Variants in MYO1B observed in about 807,000 individuals in gnomAD.
MYO1B encodes the protein myosin IB.
In MYO1B, 72 loss-of-function variants were observed where a neutral mutation model predicts 159.7. That is an observed-to-expected ratio of 0.45 (90% CI 0.37 to 0.55). The LOEUF (loss-of-function observed/expected upper bound fraction) is 0.55. MYO1B is among the 20% of genes least tolerant of loss of function. The pLI, the probability that MYO1B is intolerant of heterozygous loss-of-function variation, is 0.00. For missense variants in MYO1B, 1,062 were observed against 1,364.8 expected (o/e 0.78, Z 3.50); for synonymous variants, 468 against 473.8 (o/e 0.99, Z 0.16).
At chr2:191,372,133 T>C (rs1463824913) in intron 13 of MYO1B, among the ~76,000 whole-genome samples, 2 of 151,728 alleles carry the variant, frequency 1.3e-5, no homozygotes, top group African/African-American at 2.4e-5. Context: ...ATTTAAATGG[T>C]TTCATGAGCA....
At chr2:191,417,167 A>G (rs560784079) in intron 30 of MYO1B, among the ~76,000 whole-genome samples, 54 of 152,292 alleles carry the variant, frequency 3.5e-4, no homozygotes, top group Middle Eastern at 6.8e-3. Context: ...AAATAAATTT[A>G]CACCCATTTC....
At chr2:191,272,639 A>T (rs959751195) in intron 1 of MYO1B, among the ~76,000 whole-genome samples, 12 of 152,230 alleles carry the variant, frequency 7.9e-5, no homozygotes, top group African/African-American at 2.7e-4. Context: ...CTGGCCTTTC[A>T]GACAGTCCAG....
chr2:191,408,346 A>G (rs536878171), intron 25 of MYO1B, among the ~76,000 whole-genome samples, 157 bp downstream of exon 25: 1 of 152,394 alleles, frequency 6.6e-6, no homozygotes, highest in East Asian at 1.9e-4. Context: ...GTTATCTTTT[A>G]AAATCATCTT....
chr2:191,332,381 C>G lies in MYO1B; in HGVS notation c.346+2352C>G, dbSNP rs371648643. On this transcript the variant is annotated intron_variant, in intron 4 of 30. Coordinates refer to ENST00000392318, the MANE Select transcript of MYO1B (RefSeq NM_001130158.3). The stretch of plus-strand genomic sequence containing the variant: ...TTTTTTTTTTTTTCACAGTAACTTC[C>G]ATTAGGTCAGATCTGCTCAATCAAC... 5.3e-5 allele frequency among the ~76,000 whole-genome samples: 8 copies of G among 151,832 alleles called. No homozygotes were observed. In the East Asian group the frequency reaches 1.5e-3, roughly 29 times the overall value.
intron 21 of MYO1B, among the ~76,000 whole-genome samples, chr2:191,398,669 C>T (rs1247508769): frequency 6.7e-6 from 1 of 149,232 alleles, no homozygotes; most frequent in East Asian, 2.0e-4. Context: ...AGATGATGGG[C>T]GGGTCAGGCA....
At chr2:191,255,890 C>T (rs1216090821) in intron 1 of MYO1B, among the ~76,000 whole-genome samples, 1 of 152,150 alleles carries the variant, frequency 6.6e-6, no homozygotes. Flanking sequence ...CACTAATAGA[C>T]GGGGTCCTTT....
intron 3 of MYO1B, among the ~76,000 whole-genome samples, chr2:191,328,957 C>CT (rs1432170331): frequency 6.6e-6 from 1 of 152,114 alleles, no homozygotes; most frequent in Non-Finnish European, 1.5e-5. Context: ...TCCATTTTCT[C>CT]TTTCTCTTTC....
At chr2:191,301,645 A>G (rs1310693409) in intron 3 of MYO1B, among the ~76,000 whole-genome samples, 1 of 152,240 alleles carries the variant, frequency 6.6e-6, no homozygotes, top group African/African-American at 2.4e-5. Context: ...ATAATTTTGT[A>G]TCTGCAAATA....
At chr2:191,419,540 T>C (rs754637287) in intron 30 of MYO1B, among the ~76,000 whole-genome samples, 2 of 152,206 alleles carry the variant, frequency 1.3e-5, no homozygotes, top group Non-Finnish European at 1.5e-5. Flanking sequence ...TTTATCTTTA[T>C]TTTAGCGTGT....
At chr2:191,379,808 G>A (rs1694935313) in intron 13 of MYO1B, among the ~76,000 whole-genome samples, 1 of 152,144 alleles carries the variant, frequency 6.6e-6, no homozygotes, top group South Asian at 2.1e-4. Flanking sequence ...GAGACTTTCT[G>A]ATATATGGAA....
Position 191,296,024 on chromosome 2 carries a change from G to A in MYO1B, c.136-87G>A, listed in dbSNP as rs181532367. The A allele has an allele frequency of 1.1e-4, 71 of 637,610 alleles. No individual in the cohort carries two copies. The Middle Eastern group carries it at 2.9e-3, about 26-fold the overall frequency. 39.5% of individuals were successfully genotyped at this position (637,610 alleles called of 1,614,324 possible). On this transcript the variant is annotated intron_variant, in intron 2 of 30. Transcript: ENST00000392318. Reference sequence around the variant, plus strand: ...GCAGAACTAGTGTTGATTTTAAAAGGTTGAAACCATACAACACTAAAGCTT... The same window carrying A: ...GCAGAACTAGTGTTGATTTTAAAAGATTGAAACCATACAACACTAAAGCTT...
At chr2:191,348,930 C>T (rs1015188724) in intron 6 of MYO1B, among the ~76,000 whole-genome samples, 7 of 152,226 alleles carry the variant, frequency 4.6e-5, no homozygotes, top group Admixed American at 2.0e-4. Context: ...CTCATCCTCA[C>T]GGTTGCCAAT....
chr2:191,370,609 C>A (rs910397946), intron 13 of MYO1B, among the ~76,000 whole-genome samples: 1 of 152,042 alleles, frequency 6.6e-6, no homozygotes, highest in African/African-American at 2.4e-5. Flanking sequence ...TTTGAAATTG[C>A]GTATTTAAAT....
At chr2:191,360,172 T>C (rs1341745441) in intron 7 of MYO1B, among the ~76,000 whole-genome samples, 2 of 152,146 alleles carry the variant, frequency 1.3e-5, no homozygotes, top group Non-Finnish European at 2.9e-5. Context: ...AATGATACCT[T>C]ATAAAAGGGT....
chr2:191,304,486 C>CT (rs1290161683), intron 3 of MYO1B, among the ~76,000 whole-genome samples: 1 of 152,156 alleles, frequency 6.6e-6, no homozygotes. Flanking sequence ...AGGAGAATTG[C>CT]TTGAACCCAG....
At position 191,416,115 on chromosome 2, in the gene MYO1B, G is replaced by A. The variant is rs375458742; in HGVS notation, c.3160G>A (p.Gly1054Ser). ...ACCGACTCTTGGTTTGTCCTTGCAG[G>A]GCTCAGAAGCAGCTAGTAAAGGAGA... ...DGFFAVHLKEGSEAASKGDFL... is the reference protein window; with the variant it reads ...DGFFAVHLKESSEAASKGDFL... Residue 1054 changes from glycine to serine, a missense_variant and splice_region_variant, in exon 30 of 31, where the codon GGC becomes AGC. By Grantham distance (56) the Gly-to-Ser change is moderately conservative (BLOSUM62 0). Around this residue, in one of 5 missense-constraint regions of MYO1B, gnomAD observed 609 missense variants for 744.4 expected, o/e 0.82. Transcript: ENST00000392318. 3.7e-6 allele frequency: 6 copies of A among 1,613,280 alleles called. No homozygotes were observed. Among genetic ancestry groups the A allele is most frequent in the Admixed American group, 1.7e-5 (1 of 59,858 alleles).
chr2:191,388,951 T>G (rs915509727), intron 17 of MYO1B, among the ~76,000 whole-genome samples: 3 of 152,228 alleles, frequency 2.0e-5, no homozygotes, highest in Non-Finnish European at 4.4e-5. Context: ...TATATTATCG[T>G]ATATTTTCTT....
At position 191,387,208 on chromosome 2, in the gene MYO1B, C is replaced by T. The variant is rs746140556; in HGVS notation, c.1555-16C>T. The T allele has an allele frequency of 6.2e-7, 1 of 1,605,742 alleles. No homozygotes were observed. The highest frequency in any genetic ancestry group is 2.2e-5 in the East Asian group (1 of 44,696). On this transcript the variant is annotated splice_polypyrimidine_tract_variant and intron_variant, in intron 16 of 30. Transcript: ENST00000392318. ...ATGCAATGTGCCTGTCATTGAGTTA[C>T]ATGTGCTGCTTATAGGTGCTGTACC... is the stretch of plus-strand genomic sequence containing the variant.
intron 3 of MYO1B, among the ~76,000 whole-genome samples, chr2:191,327,846 T>C (rs1025367560): frequency 1.3e-5 from 2 of 152,240 alleles, no homozygotes; most frequent in African/African-American, 4.8e-5. Flanking sequence ...GTCTGTCGTT[T>C]TATTCATACA....
Sources: gnomAD v4.1 joint callset for allele counts (sites outside exome capture counted in the v4.1 genomes callset) on GRCh38, gnomAD v4.1.1 for gene constraint, gnomAD v4.1.1 regional missense constraint, MANE v1.5 for transcripts, NCBI Gene and HGNC (gene_info 2026-07-23, HGNC 2026-07-21) for gene names.